Variants in PCCA observed in about 807,000 individuals in gnomAD.
PCCA encodes propionyl-CoA carboxylase subunit alpha, also known as propionyl-CoA carboxylase alpha chain, mitochondrial.
In PCCA, 74 loss-of-function variants were observed where a neutral mutation model predicts 101.3. The observed-to-expected ratio is 0.73, with a 90% CI of 0.61 to 0.89. The LOEUF (loss-of-function observed/expected upper bound fraction) is 0.89, where lower values mean the gene tolerates loss of function less well. Ranked by LOEUF, PCCA falls within the 40% of genes least tolerant of loss-of-function variation. The pLI, the probability that PCCA is intolerant of heterozygous loss-of-function variation, is 0.00. For missense variants in PCCA, 891 were observed against 907.0 expected (o/e 0.98, Z 0.23); for synonymous variants, 294 against 313.6 (o/e 0.94, Z 0.66).
chr13:100,113,657 C>T (rs1278930347), intron 4 of PCCA, among the ~76,000 whole-genome samples: 1 of 150,192 alleles, frequency 6.7e-6, no homozygotes, highest in Non-Finnish European at 1.5e-5. Context: ...TGGCTCACTG[C>T]AACCTCTGTC....
chr13:100,168,843 G>A (rs1363664176), intron 6 of PCCA, among the ~76,000 whole-genome samples: 2 of 152,104 alleles, frequency 1.3e-5, no homozygotes, highest in African/African-American at 4.8e-5. Context: ...GGCAAGTGAG[G>A]GGACCTTTCA....
chr13:100,340,819 A>T (rs1166756428), intron 18 of PCCA, among the ~76,000 whole-genome samples: 2 of 152,214 alleles, frequency 1.3e-5, no homozygotes, highest in Non-Finnish European at 2.9e-5. Flanking sequence ...GTTTATTATG[A>T]ATGTGTGTTT....
At chr13:100,474,708 CG>C in intron 21 of PCCA, among the ~76,000 whole-genome samples, 1 of 151,560 alleles carries the variant, frequency 6.6e-6, no homozygotes, top group Middle Eastern at 3.5e-3. Context: ...AGGCTGGTCT[CG>C]AACTCCTAGT....
chr13:100,249,774 T>G (rs763371261), intron 8 of PCCA, among the ~76,000 whole-genome samples: 4 of 152,218 alleles, frequency 2.6e-5, no homozygotes, highest in Non-Finnish European at 5.9e-5. Context: ...GTTTTCCTCA[T>G]AGATACACTG....
intron 21 of PCCA, among the ~76,000 whole-genome samples, chr13:100,474,499 A>G (rs2083273652): frequency 6.8e-6 from 1 of 148,140 alleles, no homozygotes; most frequent in Non-Finnish European, 1.5e-5. Flanking sequence ...TCTCTCTCTC[A>G]TATTGAGACA....
chr13:100,427,972 T>C (rs905663304), intron 20 of PCCA, among the ~76,000 whole-genome samples: 2 of 152,222 alleles, frequency 1.3e-5, no homozygotes, highest in African/African-American at 4.8e-5. Flanking sequence ...AAGTAGGTGC[T>C]ATTTATAGTT....
At chr13:100,170,461 G>A (rs560654843) in intron 6 of PCCA, among the ~76,000 whole-genome samples, 2 of 152,292 alleles carry the variant, frequency 1.3e-5, no homozygotes, top group Non-Finnish European at 2.9e-5. Context: ...CTTTGTTTCT[G>A]TACTGGTCCT....
At chr13:100,480,714 T>C (rs2083830541) in intron 21 of PCCA, among the ~76,000 whole-genome samples, 1 of 152,218 alleles carries the variant, frequency 6.6e-6, no homozygotes, top group Non-Finnish European at 1.5e-5. Context: ...CCGAGCCTTC[T>C]CACCCATGCG....
intron 6 of PCCA, among the ~76,000 whole-genome samples, chr13:100,184,572 A>G (rs1566656858): frequency 6.6e-6 from 1 of 152,162 alleles, no homozygotes; most frequent in Non-Finnish European, 1.5e-5. Context: ...AGGGCCAGAT[A>G]ATAAGTGTTT....
intron 20 of PCCA, among the ~76,000 whole-genome samples, chr13:100,442,539 C>T (rs2080453034): frequency 6.6e-6 from 1 of 152,172 alleles, no homozygotes; most frequent in African/African-American, 2.4e-5. Context: ...TTTGTAGTGT[C>T]AGCCAAAGGA....
rs75697905 is a variant in PCCA, at chr13:100,473,488, C to T, written c.1899+24183C>T. Among the ~76,000 whole-genome samples, 664 of 152,322 alleles carry T rather than the reference C, an allele frequency of 4.4e-3. 33 individuals are homozygous for T. The East Asian group carries it at 0.098, about 22-fold the overall frequency. On this transcript the variant is annotated intron_variant, in intron 21 of 23. Transcript: ENST00000376285. ...TGTGGAGTTTTACCAGTATAGCTCT[C>T]AGAAATTCCTAAGAATTTTCTATTT...
intron 4 of PCCA, chr13:100,150,794 A>G: frequency 2.5e-6 from 4 of 1,586,928 alleles, no homozygotes; most frequent in Non-Finnish European, 3.4e-6. Flanking sequence ...CTCCTCTGCA[A>G]CGGACTGAAG....
At chr13:100,235,686 T>G (rs1053177256) in intron 7 of PCCA, among the ~76,000 whole-genome samples, 156 bp from the exon 8 acceptor site, 1 of 152,256 alleles carries the variant, frequency 6.6e-6, no homozygotes, top group Non-Finnish European at 1.5e-5. Flanking sequence ...ACTTATGGTA[T>G]TAATTTTACA....
intron 4 of PCCA, among the ~76,000 whole-genome samples, chr13:100,127,329 T>C (rs531563281): frequency 1.3e-5 from 2 of 152,362 alleles, no homozygotes; most frequent in Non-Finnish European, 2.9e-5. Flanking sequence ...AATTTTTTGT[T>C]AATAACTTAT....
At chr13:100,180,386 A>G (rs1383277044) in intron 6 of PCCA, among the ~76,000 whole-genome samples, 1 of 152,146 alleles carries the variant, frequency 6.6e-6, no homozygotes, top group African/African-American at 2.4e-5. Flanking sequence ...TTTGCAAATC[A>G]TTTGCTTTTC....
At chr13:100,354,271 C>G (rs1300695535) in intron 18 of PCCA, among the ~76,000 whole-genome samples, 1 of 142,150 alleles carries the variant, frequency 7.0e-6, no homozygotes, top group African/African-American at 2.6e-5. Flanking sequence ...AGAGTGAGAC[C>G]CTGTTGAAAG....
At chr13:100,462,568 TGATA>T (rs1300770095) in intron 21 of PCCA, among the ~76,000 whole-genome samples, 1 of 152,210 alleles carries the variant, frequency 6.6e-6, no homozygotes, top group Non-Finnish European at 1.5e-5. Flanking sequence ...TTTCTTTTAT[TGATA>T]AACAGTACAG....
chr13:100,410,575 G>A (rs558002170), intron 19 of PCCA, among the ~76,000 whole-genome samples: 42 of 152,334 alleles, frequency 2.8e-4, no homozygotes, highest in Non-Finnish European at 4.6e-4. Context: ...ACACAGTGGA[G>A]CTACTAGTGT....
chr13:100,168,443 G>A (rs1294526081), intron 6 of PCCA, among the ~76,000 whole-genome samples: 1 of 152,146 alleles, frequency 6.6e-6, no homozygotes, highest in African/African-American at 2.4e-5. Flanking sequence ...GAAATGGCAT[G>A]GGGGCAGTTT....
Sources: allele counts gnomAD v4.1 joint callset (sites outside exome capture counted in the v4.1 genomes callset), GRCh38; gene constraint gnomAD v4.1.1; transcripts MANE v1.5; gene names NCBI Gene and HGNC (gene_info 2026-07-23, HGNC 2026-07-21).